Variants in SCN8A observed in about 807,000 individuals in gnomAD.
SCN8A encodes sodium channel protein type 8 subunit alpha.
Under a neutral mutation model 184.1 loss-of-function variants are expected in SCN8A, and 30 were observed. The ratio of observed to expected loss-of-function variants is 0.16; its 90% CI spans 0.12 to 0.22. The LOEUF is 0.22. SCN8A is among the 10% of genes least tolerant of loss of function. The pLI, the probability that SCN8A is intolerant of heterozygous loss-of-function variation, is 1.00. For synonymous variants in SCN8A, 852 were observed against 907.0 expected (o/e 0.94, Z 1.09); for missense variants, 1,057 against 2,498.9 (o/e 0.42, Z 12.30).
At chr12:51,672,410 CTT>C (rs1003576878) in intron 2 of SCN8A, among the ~76,000 whole-genome samples, 1 of 152,138 alleles carries the variant, frequency 6.6e-6, no homozygotes, top group Admixed American at 6.5e-5. Context: ...TTCCCTGACT[CTT>C]ATATCTCTTT....
At chr12:51,800,656 G>C (rs1027044270) in intron 26 of SCN8A, among the ~76,000 whole-genome samples, 2 of 152,122 alleles carry the variant, frequency 1.3e-5, no homozygotes, top group African/African-American at 4.8e-5. Flanking sequence ...ATGAATCCGG[G>C]ACCCACTGTA....
At chr12:51,679,350 C>G (rs1243453797) in intron 2 of SCN8A, among the ~76,000 whole-genome samples, 1 of 152,214 alleles carries the variant, frequency 6.6e-6, no homozygotes, top group Non-Finnish European at 1.5e-5. Flanking sequence ...TGGGGCAGAT[C>G]AGTTTTGCCA....
At chr12:51,763,549 T>C (rs1391626705) in intron 15 of SCN8A, among the ~76,000 whole-genome samples, 3 of 152,252 alleles carry the variant, frequency 2.0e-5, no homozygotes, top group Non-Finnish European at 4.4e-5. Context: ...AAATTAGTTG[T>C]TGAACATTGG....
At chr12:51,617,745 A>G (rs1250792684) in intron 1 of SCN8A, among the ~76,000 whole-genome samples, 1 of 152,208 alleles carries the variant, frequency 6.6e-6, no homozygotes, top group East Asian at 1.9e-4. Context: ...TATTTGTTTT[A>G]GCAGGCAATC....
At chr12:51,645,346 C>A (rs1940555785) in intron 1 of SCN8A, among the ~76,000 whole-genome samples, 1 of 151,442 alleles carries the variant, frequency 6.6e-6, no homozygotes, top group Non-Finnish European at 1.5e-5. Context: ...GGTTCAGCCC[C>A]CCGTCTGGCC....
chr12:51,624,229 C>G (rs1477079886), intron 1 of SCN8A, among the ~76,000 whole-genome samples: 1 of 152,006 alleles, frequency 6.6e-6, no homozygotes, highest in East Asian at 1.9e-4. Flanking sequence ...GTCCCACCAA[C>G]AGTGTAAAAG....
intron 1 of SCN8A, among the ~76,000 whole-genome samples, chr12:51,595,578 C>T (rs1468553800): frequency 6.6e-6 from 1 of 152,130 alleles, no homozygotes; most frequent in East Asian, 1.9e-4. Flanking sequence ...TGACCTTGGG[C>T]AAGTTATTTA....
chr12:51,712,398 G>A, intron 11 of SCN8A: 1 of 727,896 alleles, frequency 1.4e-6, no homozygotes, highest in Non-Finnish European at 2.5e-6. Flanking sequence ...AAAGTAACCT[G>A]CAGCTTTCCT....
At chr12:51,745,584 G>A (rs1180434482) in intron 12 of SCN8A, among the ~76,000 whole-genome samples, 2 of 152,286 alleles carry the variant, frequency 1.3e-5, no homozygotes, top group Middle Eastern at 3.4e-3. Context: ...GGTCTACTTC[G>A]GATGACAGTA....
chr12:51,695,982 G>C (rs1246413466), intron 6 of SCN8A, among the ~76,000 whole-genome samples: 3 of 152,162 alleles, frequency 2.0e-5, no homozygotes, highest in Non-Finnish European at 4.4e-5. Context: ...CTGTCAAAGA[G>C]CTCCCAGCCC....
intron 25 of SCN8A, among the ~76,000 whole-genome samples, chr12:51,791,177 C>A (rs1938239601): frequency 1.3e-5 from 2 of 152,146 alleles, no homozygotes; most frequent in Admixed American, 1.3e-4. Context: ...TCTTCTGTAA[C>A]TTCCATTTAG....
At chr12:51,764,442 T>C (rs1248449835) in intron 15 of SCN8A, among the ~76,000 whole-genome samples, 2 of 152,054 alleles carry the variant, frequency 1.3e-5, no homozygotes, top group Non-Finnish European at 2.9e-5. Context: ...TGAGACCAGC[T>C]TGGCCAACAT....
intron 1 of SCN8A, among the ~76,000 whole-genome samples, chr12:51,609,886 T>G (rs1939680616): frequency 6.6e-6 from 1 of 151,178 alleles, no homozygotes; most frequent in African/African-American, 2.4e-5. Context: ...GAAGAGTTAG[T>G]GGGTGCAGCA....
At chr12:51,689,585 C>T (rs1047165086) in intron 6 of SCN8A, 2 of 155,056 alleles carry the variant, frequency 1.3e-5, no homozygotes, top group African/African-American at 4.8e-5. Flanking sequence ...TTAACTAATC[C>T]AGTATCAGAG....
At chr12:51,640,241 T>G (rs1279320172) in intron 1 of SCN8A, among the ~76,000 whole-genome samples, 1 of 125,772 alleles carries the variant, frequency 8.0e-6, no homozygotes, top group Non-Finnish European at 1.6e-5. Context: ...TTTTTTTTTT[T>G]TTTTTTTTTT....
rs1942887489 is a variant in SCN8A, at chr12:51,769,306, A to G, written c.3343A>G (p.Ser1115Gly). The G allele has an allele frequency of 6.3e-7, 1 of 1,598,950 alleles. No individual in the cohort carries two copies. The highest frequency in any genetic ancestry group is 2.2e-5 in the East Asian group (1 of 44,572). ...GAACCTCAACACAGAGGATGTTAGC[A>G]GCGAGTCGGATCCTGAAGGCAGCAA... The part of the protein sequence containing the change: ...FENLNTEDVS[S>G]ESDPEGSKDK... The change falls in exon 17 of 27, where the codon AGC becomes GGC. Residue 1115 changes from serine (S) to glycine (G), a missense_variant. Coordinates refer to ENST00000627620, the MANE Select transcript of SCN8A (RefSeq NM_001330260.2).
At chr12:51,774,810 A>T (rs1937637791) in intron 20 of SCN8A, among the ~76,000 whole-genome samples, 1 of 152,118 alleles carries the variant, frequency 6.6e-6, no homozygotes, top group South Asian at 2.1e-4. Flanking sequence ...TCCCATGAAC[A>T]CTTCCATCCA....
intron 6 of SCN8A, among the ~76,000 whole-genome samples, chr12:51,696,501 T>C (rs1417066926): frequency 1.3e-5 from 2 of 152,226 alleles, no homozygotes; most frequent in East Asian, 3.8e-4. Context: ...CAGTACCTTC[T>C]TACCTAGCTG....
intron 2 of SCN8A, among the ~76,000 whole-genome samples, chr12:51,668,992 T>C (rs559550350): frequency 3.8e-4 from 58 of 152,208 alleles, no homozygotes; most frequent in African/African-American, 1.1e-3. Context: ...CTATATGGTA[T>C]AGCCTATTGC....
Sources: allele counts gnomAD v4.1 joint callset (sites outside exome capture counted in the v4.1 genomes callset), GRCh38; gene constraint gnomAD v4.1.1; transcripts MANE v1.5; gene names NCBI Gene and HGNC (gene_info 2026-07-23, HGNC 2026-07-21).